The following GORAB variants were observed in gnomAD, a reference collection of about 807,000 sequenced individuals.
GORAB encodes the protein golgin, RAB6 interacting.
A neutral mutation model predicts 29.9 loss-of-function variants in GORAB; 17 were observed. The observed-to-expected ratio is 0.57, with a 90% CI of 0.39 to 0.85. GORAB has a LOEUF of 0.85. Among genes scored for constraint, GORAB ranks in the 40% least tolerant of loss-of-function variants. The probability of loss-of-function intolerance (pLI) is 0.00; values close to 1 mark genes in which losing one functional copy is unlikely to be tolerated. For missense variants in GORAB, 442 were observed against 437.8 expected (o/e 1.01, Z -0.09); for synonymous variants, 183 against 157.2 (o/e 1.16, Z -1.23).
Position 170,551,500 on chromosome 1 carries a change from C to G in GORAB, c.663-515C>G, listed in dbSNP as rs192595054. Among the ~76,000 whole-genome samples the G allele has an allele frequency of 1.1e-4, 16 of 152,248 alleles. 1 individual carries two copies. In the East Asian group the frequency reaches 3.1e-3, roughly 29 times the overall value. On this transcript the variant is annotated intron_variant, in intron 4 of 4. Coordinates refer to ENST00000367763, the MANE Select transcript of GORAB (RefSeq NM_152281.3). ...TTTATTAATCAAGAGAACAATTTTC[C>G]ACTTTCTCCATCTCTTGTCTGTCTT...
intron 4 of GORAB, among the ~76,000 whole-genome samples, chr1:170,546,714 C>A (rs1372602009): frequency 6.6e-6 from 1 of 151,964 alleles, no homozygotes; most frequent in Non-Finnish European, 1.5e-5. Context: ...GACGGAGTAT[C>A]ACTCTTATTG....
intron 4 of GORAB, among the ~76,000 whole-genome samples, chr1:170,549,135 A>T (rs1379092517): frequency 1.3e-5 from 2 of 152,204 alleles, no homozygotes; most frequent in African/African-American, 4.8e-5. Flanking sequence ...TAAAAATAAC[A>T]TTCATTAATT....
At chr1:170,539,855 AC>A (rs1196730522) in intron 2 of GORAB, among the ~76,000 whole-genome samples, 1 of 152,122 alleles carries the variant, frequency 6.6e-6, no homozygotes, top group Non-Finnish European at 1.5e-5. Context: ...AAAAGATGAT[AC>A]CTTTCTAAAG....
rs890129535 is a variant in GORAB at position 170,553,418 on chromosome 1, G to A, written c.*956G>A. Reference sequence around the variant, plus strand: ...AATACATTGTGCTATATGTAAATGTGTAAATAAATATTGTAATTTTCTCAC... The same window carrying A: ...AATACATTGTGCTATATGTAAATGTATAAATAAATATTGTAATTTTCTCAC... On this transcript the variant is annotated 3_prime_UTR_variant, in exon 5 of 5. Coordinates refer to ENST00000367763, the MANE Select transcript of GORAB (RefSeq NM_152281.3). 2.2e-6 allele frequency: 1 copy of A among 446,602 alleles called. No individual in the cohort carries two copies. Among genetic ancestry groups the A allele is most frequent in the Non-Finnish European group, 4.4e-6 (1 of 224,720 alleles). The allele number at this position is 446,602 out of a possible 1,614,324, so 27.7% of individuals were successfully genotyped here.
chr1:170,549,449 A>AGG (rs1332076737), intron 4 of GORAB, among the ~76,000 whole-genome samples: 2 of 152,228 alleles, frequency 1.3e-5, no homozygotes, highest in Non-Finnish European at 2.9e-5. Flanking sequence ...ATGGAAACCA[A>AGG]GGGACCTGTT....
rs1480932757 is a variant in GORAB at position 170,542,598 on chromosome 1, G to C, written c.521+6G>C. 1 of 1,589,484 alleles carries C rather than the reference G, an allele frequency of 6.3e-7. No homozygotes were observed. Among genetic ancestry groups the C allele is most frequent in the South Asian group, 1.1e-5 (1 of 90,628 alleles). On this transcript the variant is annotated splice_donor_region_variant and intron_variant, in intron 3 of 4. Transcript: ENST00000367763. ...GCTAAAGCTATTGCAGAAAGGTGAG[G>C]CACCTGAACCAGGAGAGGCTGTTTG... is the stretch of plus-strand genomic sequence containing the variant.
In GORAB at chr1:170,539,476, C is replaced by A; in HGVS notation, c.328C>A (p.Leu110Met). The change falls in exon 2 of 5, where the codon CTG becomes ATG. Residue 110 changes from leucine (L) to methionine (M), a missense_variant. Physicochemically the swap from Leu to Met is conservative, Grantham distance 15. Transcript: ENST00000367763. Reference protein sequence around the residue: ...PQGIESQPKELGLENSHDGHN... With the variant: ...PQGIESQPKEMGLENSHDGHN... The stretch of plus-strand genomic sequence containing the variant: ...GGGCATTGAAAGTCAGCCAAAGGAA[C>A]TGGGACTTGAGAATTCCCATGATGG... 3.1e-6 allele frequency: 5 copies of A among 1,614,092 alleles called. No individual in the cohort carries two copies. Among genetic ancestry groups the A allele is most frequent in the Non-Finnish European group, 4.2e-6 (5 of 1,179,954 alleles).
At chr1:170,536,953 A>AG (rs1394735390) in intron 1 of GORAB, among the ~76,000 whole-genome samples, 1 of 152,212 alleles carries the variant, frequency 6.6e-6, no homozygotes, top group African/African-American at 2.4e-5. Context: ...TGGAGGGAGC[A>AG]GGGCTTAAAT....
At chr1:170,534,443 C>T (rs1027486632) in intron 1 of GORAB, among the ~76,000 whole-genome samples, 1 of 152,028 alleles carries the variant, frequency 6.6e-6, no homozygotes, top group African/African-American at 2.4e-5. Flanking sequence ...TGAGTATGCA[C>T]AGATTTTGGT....
At chr1:170,542,994 A>G (rs534682396) in intron 3 of GORAB, among the ~76,000 whole-genome samples, 25 of 152,338 alleles carry the variant, frequency 1.6e-4, no homozygotes, top group Middle Eastern at 3.4e-3. Context: ...TACATAAGTG[A>G]CATACTCCCA....
intron 1 of GORAB, among the ~76,000 whole-genome samples, chr1:170,532,944 T>C (rs1366779966): frequency 6.6e-6 from 1 of 152,236 alleles, no homozygotes; most frequent in Non-Finnish European, 1.5e-5. Flanking sequence ...TCTGGCTTTA[T>C]AGAGTAATCA....
chr1:170,549,750 T>C (rs1227211925), intron 4 of GORAB, among the ~76,000 whole-genome samples: 4 of 152,190 alleles, frequency 2.6e-5, no homozygotes, highest in Admixed American at 2.6e-4. Flanking sequence ...TAATGGGTGC[T>C]CTCATTTTTA....
chr1:170,533,884 C>T (rs536509543), intron 1 of GORAB, among the ~76,000 whole-genome samples: 71 of 152,206 alleles, frequency 4.7e-4, no homozygotes, highest in Admixed American at 1.3e-3. Flanking sequence ...TATAGAACTT[C>T]CAGCTCTTCC....
rs753322057 is a variant in GORAB at position 170,544,770 on chromosome 1, A to G, written c.587A>G (p.Asp196Gly). The change falls in exon 4 of 5, where the codon GAT (aspartate) becomes GGT (glycine). Residue 196 changes from aspartate to glycine, a missense_variant. Physicochemically the swap from Asp to Gly is moderately conservative, Grantham distance 94. Coordinates refer to ENST00000367763, the MANE Select transcript of GORAB (RefSeq NM_152281.3). Reference protein sequence around the residue: ...KRIQKELQALDDMVSADIGIL... With the variant: ...KRIQKELQALGDMVSADIGIL... ...ATCCAGAAGGAGTTGCAGGCTTTAG[A>G]TGACATGGTGTCAGCTGACATTGGA... 1.2e-6 allele frequency: 2 copies of G among 1,613,734 alleles called. No homozygotes were observed. Among genetic ancestry groups the G allele is most frequent in the Non-Finnish European group, 1.7e-6 (2 of 1,179,590 alleles).
intron 4 of GORAB, chr1:170,545,180 G>A (rs1018173418): frequency 7.9e-6 from 8 of 1,017,976 alleles, no homozygotes; most frequent in African/African-American, 3.4e-5. Context: ...TATCTGAGTG[G>A]TTTCGCCAAA....
At chr1:170,535,266 C>G (rs1056821221) in intron 1 of GORAB, among the ~76,000 whole-genome samples, 1 of 152,176 alleles carries the variant, frequency 6.6e-6, no homozygotes. Flanking sequence ...GTTACTTCTA[C>G]TACTGTCATA....
intron 4 of GORAB, among the ~76,000 whole-genome samples, chr1:170,547,690 A>C (rs189829586): frequency 5.3e-5 from 8 of 152,292 alleles, no homozygotes; most frequent in African/African-American, 1.2e-4. Context: ...ACAACTTTAA[A>C]ATTTTAATAA....
At chr1:170,548,387 A>C (rs1189448599) in intron 4 of GORAB, among the ~76,000 whole-genome samples, 2 of 152,212 alleles carry the variant, frequency 1.3e-5, no homozygotes, top group African/African-American at 4.8e-5. Context: ...TTTCCATATA[A>C]GATAATTTTC....
intron 4 of GORAB, among the ~76,000 whole-genome samples, chr1:170,548,973 G>A (rs1649923202): frequency 6.6e-6 from 1 of 152,000 alleles, no homozygotes. Flanking sequence ...ATTATGAAAT[G>A]CTAATTTATA....
Sources: gnomAD v4.1 joint callset for allele counts (sites outside exome capture counted in the v4.1 genomes callset) on GRCh38, gnomAD v4.1.1 for gene constraint, MANE v1.5 for transcripts, NCBI Gene and HGNC (gene_info 2026-07-23, HGNC 2026-07-21) for gene names.